SRGAP2: variants seen among roughly 807,000 people sequenced by gnomAD.
SRGAP2 encodes the protein SLIT-ROBO Rho GTPase activating protein 2.
In SRGAP2, 15 loss-of-function variants were observed where a neutral mutation model predicts 57.2. The ratio of observed to expected loss-of-function variants is 0.26; its 90% CI spans 0.18 to 0.40. The LOEUF (loss-of-function observed/expected upper bound fraction) is 0.40. SRGAP2 is among the 10% of genes least tolerant of loss of function. The probability of loss-of-function intolerance (pLI) is 1.00; values close to 1 mark genes in which losing one functional copy is unlikely to be tolerated. For missense variants in SRGAP2, 520 were observed against 669.6 expected, an observed-to-expected ratio of 0.78 and a Z score of 2.47; for synonymous variants, 249 against 248.0, an observed-to-expected ratio of 1.00 and a Z score of -0.04.
chr1:206,412,493 C>G (rs1553359970), intron 10 of SRGAP2, among the ~76,000 whole-genome samples: 1 of 152,168 alleles, frequency 6.6e-6, no homozygotes, highest in Non-Finnish European at 1.5e-5. Context: ...AGGAAAACCC[C>G]AGGTAGCCAC....
chr1:206,329,805 C>T (rs1312225228), intron 3 of SRGAP2, among the ~76,000 whole-genome samples: 5 of 145,688 alleles, frequency 3.4e-5, no homozygotes, highest in African/African-American at 1.3e-4. Flanking sequence ...ATTTCCTTCT[C>T]CTGCCTGATT....
At chr1:206,242,045 A>T (rs1265819521) in intron 2 of SRGAP2, among the ~76,000 whole-genome samples, 4 of 148,568 alleles carry the variant, frequency 2.7e-5, no homozygotes, top group African/African-American at 1.0e-4. Flanking sequence ...CTATCTTGGT[A>T]TCCATATGAA....
At chr1:206,265,690 G>T (rs1669800152) in intron 2 of SRGAP2, among the ~76,000 whole-genome samples, 2 of 151,188 alleles carry the variant, frequency 1.3e-5, no homozygotes, top group South Asian at 4.2e-4. Flanking sequence ...GGATATTTTT[G>T]AAAGTTGTGT....
chr1:206,351,048 A>G (rs1458803079), intron 4 of SRGAP2, among the ~76,000 whole-genome samples: 3 of 152,126 alleles, frequency 2.0e-5, no homozygotes, highest in African/African-American at 7.2e-5. Flanking sequence ...AAAGCAGTGC[A>G]TGTTACCTAT....
At chr1:206,451,194 A>G (rs2103385829) in intron 19 of SRGAP2, among the ~76,000 whole-genome samples, 2 of 152,052 alleles carry the variant, frequency 1.3e-5, no homozygotes, top group East Asian at 3.9e-4. Context: ...AATAGAAGCA[A>G]GCCAGAGGGA....
intron 2 of SRGAP2, among the ~76,000 whole-genome samples, chr1:206,292,228 A>G (rs1163902774): frequency 4.6e-5 from 7 of 152,180 alleles, no homozygotes; most frequent in African/African-American, 1.4e-4. Flanking sequence ...GTCAATTTCT[A>G]TCTCCTGTAG....
At chr1:206,307,578 C>T (rs1672316836) in intron 3 of SRGAP2, among the ~76,000 whole-genome samples, 1 of 152,334 alleles carries the variant, frequency 6.6e-6, no homozygotes, top group Admixed American at 6.5e-5. Flanking sequence ...TGGCGGGCTG[C>T]AGGTCCCGAG....
At chr1:206,267,128 C>T (rs576023073) in intron 2 of SRGAP2, among the ~76,000 whole-genome samples, 7 of 152,008 alleles carry the variant, frequency 4.6e-5, no homozygotes, top group South Asian at 2.1e-4. Flanking sequence ...ACCACCACGC[C>T]GGGCTAATTT....
intron 2 of SRGAP2, chr1:206,213,468 T>G (rs1666441516): frequency 3.8e-6 from 1 of 264,322 alleles, no homozygotes; most frequent in African/African-American, 2.3e-5. Context: ...CTGGAAAATT[T>G]GTTTAACCAA....
intron 2 of SRGAP2, among the ~76,000 whole-genome samples, chr1:206,296,630 C>T (rs1671612618): frequency 6.6e-6 from 1 of 152,152 alleles, no homozygotes; most frequent in South Asian, 2.1e-4. Context: ...TGGGATTTTG[C>T]CATGTTGCCC....
At chr1:206,339,364 C>T (rs1553334569) in intron 3 of SRGAP2, among the ~76,000 whole-genome samples, 1 of 150,822 alleles carries the variant, frequency 6.6e-6, no homozygotes. Flanking sequence ...TATAGGCTCA[C>T]CTGTACAGCT....
intron 2 of SRGAP2, among the ~76,000 whole-genome samples, chr1:206,272,291 AT>A (rs1348885849): frequency 9.3e-6 from 1 of 107,530 alleles, no homozygotes; most frequent in Admixed American, 8.5e-5. Context: ...CAGGGGTAAA[AT>A]ATATCCAAGT....
chr1:206,426,884 G>C (rs1660845088), intron 13 of SRGAP2, among the ~76,000 whole-genome samples: 1 of 152,190 alleles, frequency 6.6e-6, no homozygotes, highest in Non-Finnish European at 1.5e-5. Context: ...CAGGTGGATA[G>C]TTTGCAGATA....
chr1:206,327,565 AGTTT>A lies in SRGAP2; in HGVS notation c.261-15276_261-15273del, dbSNP rs528175431. On this transcript the variant is annotated intron_variant, in intron 3 of 22. Transcript: ENST00000573034. ...TTGTAGAACACTTTCATGTTTATAA[AGTTT>A]GTTTAAGGGCATCACCTTGTTTGAT... 9.8e-4 allele frequency among the ~76,000 whole-genome samples: 124 copies of A among 126,890 alleles called. No individual in the cohort carries two copies. In the South Asian group the frequency reaches 0.018, roughly 19 times the overall value. The allele number at this position is 126,890 out of a possible 152,430, so 83.2% of individuals were successfully genotyped here.
intron 13 of SRGAP2, among the ~76,000 whole-genome samples, chr1:206,422,675 G>A (rs1446698124): frequency 3.9e-5 from 6 of 152,196 alleles, no homozygotes; most frequent in African/African-American, 1.4e-4. Flanking sequence ...GCTCCACTGT[G>A]GCTGCAGGAG....
Position 206,454,802 on chromosome 1 carries a change from T to C in SRGAP2, c.2361-76T>C, listed in dbSNP as rs916074406. 8.8e-6 allele frequency: 6 copies of C among 679,104 alleles called. No individual in the cohort carries two copies. The highest frequency in any genetic ancestry group is 2.2e-5 in the Admixed American group (1 of 45,462). 42.1% of individuals were successfully genotyped at this position (679,104 alleles called of 1,614,324 possible). ...GGGTCGCGTGTATGTCGGGGGGCCATCTTGCCGATTTAACGCTGCTTTTTG... is the reference window on the plus strand; with the variant it reads ...GGGTCGCGTGTATGTCGGGGGGCCACCTTGCCGATTTAACGCTGCTTTTTG... On this transcript the variant is annotated intron_variant, in intron 20 of 22. Coordinates refer to ENST00000573034, the MANE Select transcript of SRGAP2 (RefSeq NM_015326.5). This position sits in a 1 kb window ranked among gnomAD's most constrained non-coding sequence, Gnocchi z 4.3.
intron 2 of SRGAP2, among the ~76,000 whole-genome samples, chr1:206,302,423 C>A (rs1461741101): frequency 6.6e-6 from 1 of 151,672 alleles, no homozygotes; most frequent in Admixed American, 6.6e-5. Context: ...ATACAAGGAC[C>A]CTGACCAGCC....
intron 3 of SRGAP2, among the ~76,000 whole-genome samples, chr1:206,303,888 T>TCACACACACA (rs1172123806): frequency 7.2e-6 from 1 of 138,368 alleles, no homozygotes; most frequent in African/African-American, 2.8e-5. Flanking sequence ...TCTCTCTCTC[T>TCACACACACA]CACACACACA....
intron 2 of SRGAP2, among the ~76,000 whole-genome samples, chr1:206,278,994 G>C (rs1418197320): frequency 1.4e-5 from 2 of 147,578 alleles, no homozygotes; most frequent in Non-Finnish European, 1.5e-5. Context: ...ATCATACCAT[G>C]TTAGGCTGTT....
Sources: allele counts gnomAD v4.1 joint callset (sites outside exome capture counted in the v4.1 genomes callset), GRCh38; gene constraint gnomAD v4.1.1; non-coding constraint Gnocchi (gnomAD v3.1); transcripts MANE v1.5; gene names NCBI Gene and HGNC (gene_info 2026-07-23, HGNC 2026-07-21).